Variants in ZFHX3 observed in about 807,000 individuals in gnomAD.
ZFHX3 encodes zinc finger homeobox protein 3.
A neutral mutation model predicts 279.1 loss-of-function variants in ZFHX3; 42 were observed. That is an observed-to-expected ratio of 0.15 (90% CI 0.12 to 0.19). ZFHX3 has a LOEUF of 0.19. ZFHX3 is among the 10% of genes least tolerant of loss of function. The pLI, the probability that ZFHX3 is intolerant of heterozygous loss-of-function variation, is 1.00. For synonymous variants in ZFHX3, 2,293 were observed against 1,957.8 expected (o/e 1.17, Z -4.52); for missense variants, 4,981 against 4,754.0 (o/e 1.05, Z -1.40).
In ZFHX3 at chr16:72,788,787, G is replaced by C; in HGVS notation, c.9489C>G (p.Gly3163=). ...GLPSTTVPSP[G]LPTSGLPNKP... The stretch of plus-strand genomic sequence containing the variant: ...TATTTGGTAATCCAGAAGTGGGGAG[G>C]CCAGGGGAAGGAACAGTTGTGCTGG... The change falls in exon 10 of 10, where the codon GGC becomes GGG. Residue 3163 remains glycine, a synonymous_variant. Coordinates refer to ENST00000268489, the MANE Select transcript of ZFHX3 (RefSeq NM_006885.4). 6.5e-7 allele frequency: 1 copy of C among 1,547,786 alleles called. No individual in the cohort carries two copies. The highest frequency in any genetic ancestry group is 2.0e-5 in the Admixed American group (1 of 50,218).
intron 7 of ZFHX3, among the ~76,000 whole-genome samples, chr16:73,098,060 C>G (rs927759555): frequency 8.7e-5 from 12 of 138,506 alleles, no homozygotes; most frequent in Admixed American, 8.4e-4. Context: ...ATCTGCGTCC[C>G]TTGTGTATCT....
intron 3 of ZFHX3, among the ~76,000 whole-genome samples, chr16:72,915,540 G>A (rs9922718): frequency 0.11 from 16,399 of 152,134 alleles, 1,199 homozygotes; most frequent in African/African-American, 0.2. Context: ...CAAGGCTCAA[G>A]AGGAGCCCAG....
At chr16:72,894,671 C>A (rs1213129366) in intron 3 of ZFHX3, among the ~76,000 whole-genome samples, 2 of 152,166 alleles carry the variant, frequency 1.3e-5, no homozygotes, top group African/African-American at 4.8e-5. Context: ...AGAATACCCT[C>A]AATTGGGATC....
intron 1 of ZFHX3, among the ~76,000 whole-genome samples, chr16:73,856,544 T>C (rs2142385428): frequency 6.6e-6 from 1 of 152,372 alleles, no homozygotes; most frequent in East Asian, 1.9e-4. Flanking sequence ...TTCACATTCA[T>C]ATTTAAAACA....
chr16:73,467,212 G>A (rs115972907), intron 2 of ZFHX3, among the ~76,000 whole-genome samples: 92 of 152,334 alleles, frequency 6.0e-4, no homozygotes, highest in African/African-American at 1.8e-3. Flanking sequence ...TCACGGAAAC[G>A]TAGAGAACAG....
chr16:73,654,770 AAAAG>A (rs1192272526), intron 2 of ZFHX3, among the ~76,000 whole-genome samples: 3 of 152,094 alleles, frequency 2.0e-5, no homozygotes, highest in Non-Finnish European at 2.9e-5. Flanking sequence ...TTTTACTAAA[AAAAG>A]AGATAGCTTA....
intron 3 of ZFHX3, among the ~76,000 whole-genome samples, chr16:72,949,851 G>T (rs1017135267): frequency 6.7e-6 from 1 of 149,216 alleles, no homozygotes; most frequent in African/African-American, 2.5e-5. Context: ...TTTATCCATC[G>T]TTTCTCACCC....
At chr16:73,305,265 G>T (rs1354335777) in intron 4 of ZFHX3, among the ~76,000 whole-genome samples, 1 of 152,050 alleles carries the variant, frequency 6.6e-6, no homozygotes, top group South Asian at 2.1e-4. Context: ...GGAGGAAGGG[G>T]TCTCTTACTA....
intron 1 of ZFHX3, among the ~76,000 whole-genome samples, chr16:72,963,966 G>A (rs1234604034): frequency 1.3e-5 from 2 of 152,216 alleles, no homozygotes; most frequent in African/African-American, 4.8e-5. Context: ...AAGGGGAAGG[G>A]AGGAAAAACA....
chr16:73,726,695 C>T (rs529707304), intron 1 of ZFHX3, among the ~76,000 whole-genome samples: 2 of 152,080 alleles, frequency 1.3e-5, no homozygotes, highest in Non-Finnish European at 2.9e-5. Flanking sequence ...CACGCAACAG[C>T]GGGAGCACGA....
chr16:72,901,698 A>C (rs1292387356), intron 3 of ZFHX3, among the ~76,000 whole-genome samples: 5 of 152,196 alleles, frequency 3.3e-5, no homozygotes, highest in Non-Finnish European at 7.3e-5. Flanking sequence ...GAAGCAAGGG[A>C]CCAACAGTGA....
intron 1 of ZFHX3, among the ~76,000 whole-genome samples, chr16:73,004,957 G>T (rs59288483): frequency 6.6e-6 from 1 of 151,920 alleles, no homozygotes; most frequent in Admixed American, 6.6e-5. Flanking sequence ...TAATTTTTCC[G>T]CCATTTGGCT....
chr16:73,284,073 C>T (rs1007113150), intron 4 of ZFHX3, among the ~76,000 whole-genome samples: 2 of 152,094 alleles, frequency 1.3e-5, no homozygotes, highest in East Asian at 3.9e-4. Flanking sequence ...AACCCCAGCA[C>T]TTTGGGGGGC....
At chr16:73,431,930 T>A (rs527341720) in intron 3 of ZFHX3, among the ~76,000 whole-genome samples, 1 of 152,246 alleles carries the variant, frequency 6.6e-6, no homozygotes, top group Admixed American at 6.5e-5. Context: ...ATCCCCGAGA[T>A]TCTCCTCCAT....
intron 3 of ZFHX3, among the ~76,000 whole-genome samples, chr16:73,333,083 T>C (rs1485009187): frequency 6.6e-6 from 1 of 152,108 alleles, no homozygotes. Flanking sequence ...AGATTTTAGA[T>C]AGATAGATAC....
intron 3 of ZFHX3, among the ~76,000 whole-genome samples, chr16:73,390,480 T>C (rs942773054): frequency 5.9e-5 from 9 of 152,292 alleles, no homozygotes; most frequent in African/African-American, 2.2e-4. Context: ...TTTGCACCGG[T>C]GGCTGGAGGC....
chr16:73,191,584 C>T (rs1393933942), intron 5 of ZFHX3, among the ~76,000 whole-genome samples: 1 of 152,218 alleles, frequency 6.6e-6, no homozygotes. Context: ...CCAAACCAAA[C>T]CCCTCCCGTT....
At chr16:73,133,744 G>T (rs1966738947) in intron 6 of ZFHX3, among the ~76,000 whole-genome samples, 1 of 152,116 alleles carries the variant, frequency 6.6e-6, no homozygotes, top group Admixed American at 6.6e-5. Flanking sequence ...TATTTTGGGG[G>T]TTCCTGTCCA....
intron 3 of ZFHX3, among the ~76,000 whole-genome samples, chr16:72,943,386 T>C (rs925483414): frequency 1.3e-5 from 2 of 151,686 alleles, no homozygotes; most frequent in South Asian, 2.1e-4. Context: ...GTACAAAAAT[T>C]AGCGGGTGTG....
Sources: gnomAD v4.1 joint callset for allele counts (sites outside exome capture counted in the v4.1 genomes callset) on GRCh38, gnomAD v4.1.1 for gene constraint, MANE v1.5 for transcripts, NCBI Gene and HGNC (gene_info 2026-07-23, HGNC 2026-07-21) for gene names.